The following TRIM71 variants were observed in gnomAD, a reference collection of about 807,000 sequenced individuals.
TRIM71 encodes tripartite motif containing 71.
Under a neutral mutation model 61.2 loss-of-function variants are expected in TRIM71, and 9 were observed. The ratio of observed to expected loss-of-function variants is 0.15; its 90% confidence interval spans 0.09 to 0.26. The LOEUF (loss-of-function observed/expected upper bound fraction) is 0.26, where lower values mean the gene tolerates loss of function less well. TRIM71 is among the 10% of genes least tolerant of loss of function. The probability of loss-of-function intolerance (pLI) is 1.00; values close to 1 mark genes in which losing one functional copy is unlikely to be tolerated. For missense variants in TRIM71, 998 were observed against 1,238.7 expected (o/e 0.81, Z 2.92); for synonymous variants, 645 against 553.2 (o/e 1.17, Z -2.33).
intron 1 of TRIM71, among the ~76,000 whole-genome samples, chr3:32,833,260 C>G (rs1290032960): frequency 2.0e-5 from 3 of 147,556 alleles, no homozygotes. Context: ...ATTAACCCAG[C>G]TCAAGTAAAG....
At chr3:32,861,493 C>T (rs1226262197) in intron 1 of TRIM71, among the ~76,000 whole-genome samples, 1 of 151,584 alleles carries the variant, frequency 6.6e-6, no homozygotes, top group African/African-American at 2.4e-5. Context: ...AACACCTCGG[C>T]AGGCCAAGGT....
At chr3:32,856,832 C>T (rs564415401) in intron 1 of TRIM71, among the ~76,000 whole-genome samples, 16 of 152,354 alleles carry the variant, frequency 1.1e-4, no homozygotes, top group Non-Finnish European at 2.1e-4. Flanking sequence ...GGAACCCTTA[C>T]GGGCTCATGA....
intron 1 of TRIM71, among the ~76,000 whole-genome samples, chr3:32,831,672 G>A (rs1443484012): frequency 6.6e-6 from 1 of 151,694 alleles, no homozygotes; most frequent in Non-Finnish European, 1.5e-5. Flanking sequence ...AAGTGGCTGG[G>A]ACTACAGGCG....
In TRIM71 at chr3:32,818,884, C is replaced by T. The variant is rs1696096069; in HGVS notation, c.804C>T (p.Leu268=). 6.2e-7 allele frequency: 1 copy of T among 1,612,760 alleles called. No individual in the cohort carries two copies. The highest frequency in any genetic ancestry group is 8.5e-7 in the Non-Finnish European group (1 of 1,179,870). ...PPFPGPPFSI[L]SVFPERLGFC... ...TTCCCGGCCCGCCCTTCTCCATCCT[C>T]TCAGTGTTTCCCGAGCGCCTCGGCT... Residue 268 remains leucine (L), a synonymous_variant, in exon 1 of 4, where the codon CTC becomes CTT. Coordinates refer to ENST00000383763, the MANE Select transcript of TRIM71 (RefSeq NM_001039111.3).
chr3:32,836,575 A>G (rs910184360), intron 1 of TRIM71, among the ~76,000 whole-genome samples: 13 of 152,202 alleles, frequency 8.5e-5, no homozygotes, highest in Non-Finnish European at 1.8e-4. Context: ...TTTAGGTCCC[A>G]CCTTAGAATA....
At chr3:32,871,114 T>C (rs536743053) in intron 1 of TRIM71, among the ~76,000 whole-genome samples, 1 of 152,116 alleles carries the variant, frequency 6.6e-6, no homozygotes, top group Non-Finnish European at 1.5e-5. Context: ...CAAGTCTCTA[T>C]TAGGTAGACT....
chr3:32,881,701 T>G (rs1696909280), intron 2 of TRIM71, among the ~76,000 whole-genome samples: 1 of 152,220 alleles, frequency 6.6e-6, no homozygotes, highest in South Asian at 2.1e-4. Flanking sequence ...TATATCTGTT[T>G]TGGAAGTTTA....
chr3:32,865,336 CAAA>C (rs980635661), intron 1 of TRIM71, among the ~76,000 whole-genome samples: 1 of 151,856 alleles, frequency 6.6e-6, no homozygotes, highest in Non-Finnish European at 1.5e-5. Context: ...CTCAAAAAAA[CAAA>C]AAACAAGCAA....
chr3:32,896,546 T>G lies in TRIM71; in HGVS notation c.*4735T>G, dbSNP rs1697079809. On this transcript the variant is annotated 3_prime_UTR_variant, in exon 4 of 4. Coordinates refer to ENST00000383763, the MANE Select transcript of TRIM71 (RefSeq NM_001039111.3). ...CCTCTCTTCTGCCCTAATTTTTGGT[T>G]GTTTGGAAGAGAGGAGGGTCCTAAG... is the stretch of plus-strand genomic sequence containing the variant. 6.6e-6 allele frequency: 1 copy of G among 152,170 alleles called. No individual in the cohort carries two copies. The highest frequency in any genetic ancestry group is 6.5e-5 in the Admixed American group (1 of 15,276). 9.4% of individuals were successfully genotyped at this position (152,170 alleles called of 1,614,324 possible).
chr3:32,876,731 A>G (rs960738803), intron 2 of TRIM71, among the ~76,000 whole-genome samples: 1 of 152,204 alleles, frequency 6.6e-6, no homozygotes, highest in Non-Finnish European at 1.5e-5. Flanking sequence ...CTCTGTGCTT[A>G]GTGGGAAAAG....
chr3:32,866,391 C>T (rs1261421177), intron 1 of TRIM71, among the ~76,000 whole-genome samples: 2 of 151,842 alleles, frequency 1.3e-5, no homozygotes, highest in Middle Eastern at 3.2e-3. Flanking sequence ...GATTACAGGG[C>T]CTGCCCCCAC....
At chr3:32,840,070 C>T (rs1032161508) in intron 1 of TRIM71, among the ~76,000 whole-genome samples, 3 of 152,168 alleles carry the variant, frequency 2.0e-5, no homozygotes, top group African/African-American at 7.2e-5. Context: ...GTAAGTCTGC[C>T]TCAAAATGTC....
intron 1 of TRIM71, among the ~76,000 whole-genome samples, chr3:32,841,255 AC>A (rs1380017664): frequency 1.3e-5 from 2 of 151,884 alleles, no homozygotes; most frequent in African/African-American, 4.8e-5. Context: ...AAAAAACAAA[AC>A]AAAAAACAAA....
At chr3:32,865,096 G>A (rs188119829) in intron 1 of TRIM71, among the ~76,000 whole-genome samples, 32 of 152,238 alleles carry the variant, frequency 2.1e-4, no homozygotes, top group African/African-American at 5.5e-4. Flanking sequence ...TTGGGAGGCC[G>A]AGGCAGTCGG....
intron 3 of TRIM71, among the ~76,000 whole-genome samples, chr3:32,888,626 C>T (rs996657793): frequency 2.6e-5 from 4 of 151,904 alleles, no homozygotes; most frequent in Admixed American, 2.6e-4. Flanking sequence ...CTGCAACCTC[C>T]GTCTCCTGGG....
At chr3:32,831,143 G>A (rs1172548472) in intron 1 of TRIM71, among the ~76,000 whole-genome samples, 2 of 152,136 alleles carry the variant, frequency 1.3e-5, no homozygotes, top group Non-Finnish European at 2.9e-5. Context: ...TATATAGATG[G>A]GGGTGGGGGA....
Position 32,897,663 on chromosome 3 carries a change from A to G in TRIM71, c.*5852A>G, listed in dbSNP as rs771101741. The stretch of plus-strand genomic sequence containing the variant: ...TGTTAGCTAACAGGCTTCTGAATGT[A>G]TCACTGTGGTCCACAGAGAAGGCTG... On this transcript the variant is annotated 3_prime_UTR_variant, in exon 4 of 4. Coordinates refer to ENST00000383763, the MANE Select transcript of TRIM71 (RefSeq NM_001039111.3). 2.0e-5 allele frequency: 3 copies of G among 152,264 alleles called. No homozygotes were observed. Among genetic ancestry groups the G allele is most frequent in the Non-Finnish European group, 4.4e-5 (3 of 68,054 alleles). The allele number at this position is 152,264 out of a possible 1,614,324, so 9.4% of individuals were successfully genotyped here. A position where few individuals can be genotyped will look rare whatever the true frequency, so the allele number is the denominator to read the frequency against.
chr3:32,863,462 C>G (rs777120656), intron 1 of TRIM71, among the ~76,000 whole-genome samples: 7 of 152,126 alleles, frequency 4.6e-5, no homozygotes, highest in African/African-American at 1.7e-4. Flanking sequence ...AATCAATCCT[C>G]GCATCAAGAT....
chr3:32,825,848 G>GATC (rs1172621358), intron 1 of TRIM71, among the ~76,000 whole-genome samples: 1 of 152,046 alleles, frequency 6.6e-6, no homozygotes, highest in African/African-American at 2.4e-5. Context: ...AAGCTGATGT[G>GATC]ACCTCCTGCT....
Sources: allele counts gnomAD v4.1 joint callset (sites outside exome capture counted in the v4.1 genomes callset), GRCh38; gene constraint gnomAD v4.1.1; transcripts MANE v1.5; gene names NCBI Gene and HGNC (gene_info 2026-07-23, HGNC 2026-07-21).